The following SHCBP1L variants were observed in gnomAD, a reference collection of about 807,000 sequenced individuals.
SHCBP1L encodes testicular spindle-associated protein SHCBP1L.
SHCBP1L carries 67 observed loss-of-function variants against 62.5 expected under a neutral mutation model. That is an observed-to-expected ratio of 1.07 (90% CI 0.88 to 1.31). SHCBP1L has a LOEUF of 1.31. Ranked by LOEUF, SHCBP1L falls within the 40% of genes most tolerant of loss-of-function variation. The probability of loss-of-function intolerance (pLI) is 0.00; values close to 1 mark genes in which losing one functional copy is unlikely to be tolerated. For synonymous variants in SHCBP1L, 284 were observed against 289.4 expected (o/e 0.98, Z 0.19); for missense variants, 823 against 809.8 (o/e 1.02, Z -0.20).
intron 5 of SHCBP1L, among the ~76,000 whole-genome samples, chr1:182,932,545 A>T (rs1357877256): frequency 2.0e-5 from 3 of 152,048 alleles, no homozygotes; most frequent in Non-Finnish European, 4.4e-5. Flanking sequence ...CAGTGGCACA[A>T]TCTCAGCGGC....
rs542693888 is a variant in SHCBP1L at position 182,913,383 on chromosome 1, G to A, written c.1183-7734C>T. Among the ~76,000 whole-genome samples, 31 of 152,236 alleles carry A rather than the reference G, an allele frequency of 2.0e-4. 1 individual carries two copies. The South Asian group carries it at 6.4e-3, about 32-fold the overall frequency. On this transcript the variant is annotated intron_variant, in intron 6 of 9. Coordinates refer to ENST00000367547, the MANE Select transcript of SHCBP1L (RefSeq NM_030933.4). ...ACTGTATGCTGAAATAGAATTGTAG[G>A]ACACCCAGTTGGGGTCTGCTGGAGA...
chr1:182,902,262 A>G (rs1052800967), intron 9 of SHCBP1L, among the ~76,000 whole-genome samples: 2 of 151,950 alleles, frequency 1.3e-5, no homozygotes, highest in African/African-American at 4.8e-5. Context: ...CATGTTAGCC[A>G]GGATGGTCTC....
rs994480372 is a variant in SHCBP1L, at chr1:182,951,458, C to A, written c.415G>T (p.Ala139Ser). ...AGGTATTTACCCATAACTTCATCAGCATCTTCTGCCTAACAAGAGAAAAAA... is the reference window on the plus strand; with the variant it reads ...AGGTATTTACCCATAACTTCATCAGAATCTTCTGCCTAACAAGAGAAAAAA... ...EVLQDCKAED[A>S]DEVMGKYLSE... The change falls in exon 2 of 10, where the codon GCT becomes TCT. Residue 139 changes from alanine to serine, a missense_variant. Transcript: ENST00000367547. The A allele has an allele frequency of 6.3e-6, 10 of 1,574,870 alleles. No individual in the cohort carries two copies. The highest frequency in any genetic ancestry group is 8.6e-7 in the Non-Finnish European group (1 of 1,162,648).
rs200175647 is a variant in SHCBP1L, at chr1:182,939,378, C to T, written c.874G>A (p.Asp292Asn). The change falls in exon 5 of 10, where the codon GAT becomes AAT. Residue 292 changes from aspartate to asparagine, a missense_variant. By Grantham distance (23) the Asp-to-Asn change is conservative (BLOSUM62 1). Coordinates refer to ENST00000367547, the MANE Select transcript of SHCBP1L (RefSeq NM_030933.4). ...ERINLWCDIQ[D>N]GTIPGPIAQR... The stretch of plus-strand genomic sequence containing the variant: ...GCGATAGGACCAGGTATTGTTCCAT[C>T]CTGTATATCACACCACCTGAAAATT... 2.6e-5 allele frequency: 42 copies of T among 1,613,194 alleles called. 1 individual carries two copies. Among genetic ancestry groups the T allele is most frequent in the South Asian group, 2.4e-4 (22 of 90,826 alleles).
chr1:182,938,357 G>T (rs1051690258), intron 5 of SHCBP1L, among the ~76,000 whole-genome samples: 2 of 152,050 alleles, frequency 1.3e-5, no homozygotes, highest in African/African-American at 4.8e-5. Context: ...GCCCACCTCG[G>T]CCTCCCAAAG....
At chr1:182,921,486 T>C (rs1650526530) in intron 6 of SHCBP1L, among the ~76,000 whole-genome samples, 1 of 152,248 alleles carries the variant, frequency 6.6e-6, no homozygotes, top group Admixed American at 6.5e-5. Context: ...AGGTTTGTTT[T>C]GACAGGATCA....
chr1:182,941,191 TA>T (rs549751668), intron 2 of SHCBP1L, among the ~76,000 whole-genome samples: 76 of 62,940 alleles, frequency 1.2e-3, no homozygotes, highest in Admixed American at 1.5e-3. Flanking sequence ...AAAAGCATGT[TA>T]AAAAAAAAAA....
At chr1:182,933,594 CTG>C (rs1389220035) in intron 5 of SHCBP1L, among the ~76,000 whole-genome samples, 1 of 151,960 alleles carries the variant, frequency 6.6e-6, no homozygotes, top group Non-Finnish European at 1.5e-5. Context: ...ATTGAGATGA[CTG>C]TGTGTCTTGT....
chr1:182,930,585 AT>A (rs1229662965), intron 5 of SHCBP1L, among the ~76,000 whole-genome samples: 1 of 131,670 alleles, frequency 7.6e-6, no homozygotes, highest in East Asian at 2.1e-4. Context: ...ATATATATAT[AT>A]ATATATATAC....
intron 2 of SHCBP1L, among the ~76,000 whole-genome samples, chr1:182,949,752 T>A (rs1367698899): frequency 6.6e-6 from 1 of 151,108 alleles, no homozygotes; most frequent in Non-Finnish European, 1.5e-5. Context: ...ACTAATAGAG[T>A]CTTATTGAAA....
chr1:182,920,480 C>T (rs74129622), intron 6 of SHCBP1L, among the ~76,000 whole-genome samples: 14,197 of 152,214 alleles, frequency 0.093, 960 homozygotes, highest in African/African-American at 0.18. Flanking sequence ...GCGAAAAAAG[C>T]AGTGCAAGAA....
intron 2 of SHCBP1L, among the ~76,000 whole-genome samples, chr1:182,946,575 G>A (rs1030989545): frequency 6.6e-6 from 1 of 152,124 alleles, no homozygotes; most frequent in Non-Finnish European, 1.5e-5. Flanking sequence ...CCCAATGGGA[G>A]TACTCCCACC....
chr1:182,933,409 T>C (rs1255938289), intron 5 of SHCBP1L, among the ~76,000 whole-genome samples: 3 of 152,194 alleles, frequency 2.0e-5, no homozygotes, highest in Non-Finnish European at 4.4e-5. Flanking sequence ...CTTATCATGC[T>C]CCTGATTGTA....
Position 182,935,472 on chromosome 1 carries a change from A to T in SHCBP1L, c.1076+3704T>A, listed in dbSNP as rs566425225. 3.9e-5 allele frequency among the ~76,000 whole-genome samples: 6 copies of T among 152,318 alleles called. No individual in the cohort carries two copies. The East Asian group carries it at 9.6e-4, about 24-fold the overall frequency. On this transcript the variant is annotated intron_variant, in intron 5 of 9. Transcript: ENST00000367547. The stretch of plus-strand genomic sequence containing the variant: ...ATTGCTCACTGCTGGTATATAAAAA[A>T]GCAGTTGATTTTTGAATATTAACCT...
intron 2 of SHCBP1L, 79 bp from the exon 3 acceptor site, chr1:182,940,622 C>G (rs1332181004): frequency 1.7e-6 from 2 of 1,179,582 alleles, no homozygotes; most frequent in Non-Finnish European, 2.3e-6. Context: ...CATATATGAG[C>G]TCATTATAAA....
chr1:182,953,080 G>T lies in SHCBP1L; in HGVS notation c.54C>A (p.Ser18Arg), dbSNP rs78487548. 0.055 allele frequency: 86,286 copies of T among 1,560,014 alleles called. 3,186 individuals are homozygous for T. The highest frequency in any genetic ancestry group is 0.17 in the East Asian group (7,209 of 42,736). The change falls in exon 1 of 10, where the codon AGC (serine) becomes AGA (arginine). Residue 18 changes from serine to arginine, a missense_variant. By Grantham distance (110) the Ser-to-Arg change is moderately radical (BLOSUM62 -1). Coordinates refer to ENST00000367547, the MANE Select transcript of SHCBP1L (RefSeq NM_030933.4). ...SVPADSFRTI[S>R]PDRRGEKSAS... ...CGGACTTCTCGCCTCGCCTGTCCGG[G>T]CTGATGGTGCGGAATGAGTCCGCGG...
chr1:182,907,421 G>A (rs1465797996), intron 6 of SHCBP1L, among the ~76,000 whole-genome samples: 13 of 113,950 alleles, frequency 1.1e-4, no homozygotes, highest in South Asian at 1.1e-3. Flanking sequence ...CAACAAGAGC[G>A]AAACTGTCTC....
At chr1:182,917,837 G>A (rs1341149996) in intron 6 of SHCBP1L, among the ~76,000 whole-genome samples, 3 of 152,004 alleles carry the variant, frequency 2.0e-5, no homozygotes, top group African/African-American at 2.4e-5. Flanking sequence ...GGGTACTGGG[G>A]TAAGGACTTC....
At chr1:182,924,782 A>AGAG (rs1650652374) in intron 6 of SHCBP1L, among the ~76,000 whole-genome samples, 2 of 101,314 alleles carry the variant, frequency 2.0e-5, no homozygotes, top group African/African-American at 1.4e-4. Flanking sequence ...GAAAGAAAGA[A>AGAG]AGAAAGAGAG....
Sources: gnomAD v4.1 joint callset for allele counts (sites outside exome capture counted in the v4.1 genomes callset) on GRCh38, gnomAD v4.1.1 for gene constraint, MANE v1.5 for transcripts, NCBI Gene and HGNC (gene_info 2026-07-23, HGNC 2026-07-21) for gene names.